The following DACH1 variants were observed in gnomAD, a reference collection of about 807,000 sequenced individuals.
The protein encoded by DACH1 is dachshund family transcription factor 1, also known as dachshund homolog 1.
DACH1 carries 12 observed loss-of-function variants against 54.2 expected under a neutral mutation model. The ratio of observed to expected loss-of-function variants is 0.22; its 90% CI spans 0.14 to 0.36. The LOEUF (loss-of-function observed/expected upper bound fraction) is 0.36. Ranked by LOEUF, DACH1 falls within the 10% of genes least tolerant of loss-of-function variation. The probability of loss-of-function intolerance (pLI) is 1.00; values close to 1 mark genes in which losing one functional copy is unlikely to be tolerated. For synonymous variants in DACH1, 386 were observed against 366.2 expected, an observed-to-expected ratio of 1.05 and a Z score of -0.62; for missense variants, 805 against 929.8, an observed-to-expected ratio of 0.87 and a Z score of 1.75.
intron 1 of DACH1, among the ~76,000 whole-genome samples, chr13:71,787,606 A>G (rs888613229): frequency 1.3e-5 from 2 of 152,128 alleles, no homozygotes; most frequent in African/African-American, 4.8e-5. Flanking sequence ...GAGGACAGTA[A>G]TCAGTCATAA....
chr13:71,720,843 G>A (rs1883200036), intron 1 of DACH1, among the ~76,000 whole-genome samples: 1 of 152,056 alleles, frequency 6.6e-6, no homozygotes, highest in African/African-American at 2.4e-5. Flanking sequence ...TTTTCTTGCA[G>A]TAGTTACTTT....
rs79295212 is a variant in DACH1, at chr13:71,800,129, T to C, written c.848+65793A>G. Among the ~76,000 whole-genome samples the C allele has an allele frequency of 6.6e-3, 1,009 of 152,142 alleles. 17 individuals carry two copies. Among genetic ancestry groups the C allele is most frequent in the African/African-American group, 0.023 (971 of 41,528 alleles). On this transcript the variant is annotated intron_variant, in intron 1 of 10. Transcript: ENST00000613252. ...TGCTTGAACTCTCCAGGCCTCAGTT[T>C]CCTCATTTATAAAAAGCGAAAGTTG...
rs369421581 is a variant in DACH1 at position 71,681,864 on chromosome 13, G to C, written c.895C>G (p.Pro299Ala). ...PPKRTQSVTS[P>A]ENSHIMPHSV... The stretch of plus-strand genomic sequence containing the variant: ...TGCGGCATGATGTGAGAGTTCTCTG[G>C]GGAGGTGACACTTTGAGTCCTCTTA... The change falls in exon 2 of 11, where the codon CCA becomes GCA. Residue 299 changes from proline to alanine, a missense_variant. Physicochemically the swap from Pro to Ala is conservative, Grantham distance 27. Coordinates refer to ENST00000613252, the MANE Select transcript of DACH1 (RefSeq NM_080759.6). 1 of 1,613,786 alleles carries C rather than the reference G, an allele frequency of 6.2e-7. No individual in the cohort carries two copies. The highest frequency in any genetic ancestry group is 8.5e-7 in the Non-Finnish European group (1 of 1,179,894).
chr13:71,589,933 G>C (rs1198208512), intron 3 of DACH1, among the ~76,000 whole-genome samples: 1 of 151,938 alleles, frequency 6.6e-6, no homozygotes, highest in Non-Finnish European at 1.5e-5. Flanking sequence ...CCATGCCAGA[G>C]AGCAATTCTG....
chr13:71,865,885 G>A, intron 1 of DACH1, 37 bp downstream of exon 1: 2 of 1,544,680 alleles, frequency 1.3e-6, no homozygotes, highest in Non-Finnish European at 1.7e-6. Flanking sequence ...CTGGTGGGAA[G>A]GGGCGCGGGC....
intron 10 of DACH1, among the ~76,000 whole-genome samples, chr13:71,447,893 T>C (rs557571690): frequency 6.6e-6 from 1 of 152,204 alleles, no homozygotes; most frequent in African/African-American, 2.4e-5. Flanking sequence ...AATTTCAAAT[T>C]GACACCAAAA....
chr13:71,536,249 C>T (rs1356940154), intron 6 of DACH1, among the ~76,000 whole-genome samples: 8 of 152,194 alleles, frequency 5.3e-5, no homozygotes, highest in East Asian at 3.9e-4. Context: ...CTAAAATTTA[C>T]ACTCAAAATA....
chr13:71,441,276 T>C (rs1873984420), intron 10 of DACH1, among the ~76,000 whole-genome samples: 1 of 152,100 alleles, frequency 6.6e-6, no homozygotes, highest in African/African-American at 2.4e-5. Flanking sequence ...CACTGTATAT[T>C]ATTCAACTTT....
chr13:71,680,436 T>C (rs1323150146), intron 2 of DACH1, among the ~76,000 whole-genome samples: 1 of 151,848 alleles, frequency 6.6e-6, no homozygotes, highest in African/African-American at 2.4e-5. Context: ...ACCCCATCTC[T>C]AGAAAAAAAA....
intron 1 of DACH1, among the ~76,000 whole-genome samples, chr13:71,842,970 A>G: frequency 6.6e-6 from 1 of 152,326 alleles, no homozygotes; most frequent in Non-Finnish European, 1.5e-5. Context: ...ACATTTTATA[A>G]TTTATGGAAC....
chr13:71,466,000 T>A (rs1220277154), intron 10 of DACH1, among the ~76,000 whole-genome samples: 1 of 152,218 alleles, frequency 6.6e-6, no homozygotes, highest in Non-Finnish European at 1.5e-5. Flanking sequence ...AAACAGATGT[T>A]AAAATTAAAT....
chr13:71,517,349 C>A (rs764093050), intron 6 of DACH1, among the ~76,000 whole-genome samples: 15 of 151,820 alleles, frequency 9.9e-5, no homozygotes, highest in Non-Finnish European at 1.9e-4. Flanking sequence ...AACTCAACTG[C>A]CACTTTTTGG....
chr13:71,579,731 C>T (rs1303219235), intron 3 of DACH1, among the ~76,000 whole-genome samples: 5 of 151,928 alleles, frequency 3.3e-5, no homozygotes, highest in Admixed American at 2.0e-4. Flanking sequence ...TTTGATGCAA[C>T]TCAAACTAAA....
At chr13:71,539,112 C>G (rs866172363) in intron 6 of DACH1, among the ~76,000 whole-genome samples, 2 of 151,988 alleles carry the variant, frequency 1.3e-5, no homozygotes, top group Non-Finnish European at 2.9e-5. Flanking sequence ...CATATACACA[C>G]AGCTCTATTT....
At chr13:71,783,791 G>T (rs758605725) in intron 1 of DACH1, among the ~76,000 whole-genome samples, 1 of 150,836 alleles carries the variant, frequency 6.6e-6, no homozygotes, top group Non-Finnish European at 1.5e-5. Flanking sequence ...TTTAAAGAAT[G>T]AATGGAAAAA....
intron 10 of DACH1, chr13:71,464,599 T>C: frequency 2.3e-6 from 1 of 443,056 alleles, no homozygotes. Flanking sequence ...ACATGCAAAT[T>C]ATGCAAATTA....
intron 10 of DACH1, among the ~76,000 whole-genome samples, chr13:71,464,940 C>T (rs1281908932): frequency 1.3e-5 from 2 of 151,970 alleles, no homozygotes; most frequent in Non-Finnish European, 2.9e-5. Flanking sequence ...AATTAATTTG[C>T]TTTGGCTGTG....
intron 4 of DACH1, 48 bp downstream of exon 4, chr13:71,572,792 G>C (rs1012238328): frequency 6.4e-7 from 1 of 1,557,212 alleles, no homozygotes. Context: ...TTAAGGGATG[G>C]TGGCTTAAGA....
chr13:71,764,483 A>AT (rs1398292176), intron 1 of DACH1, among the ~76,000 whole-genome samples: 2 of 152,198 alleles, frequency 1.3e-5, no homozygotes, highest in South Asian at 4.1e-4. Context: ...AATGTTATAA[A>AT]TGAGATAAAG....
Sources: gnomAD v4.1 joint callset for allele counts (sites outside exome capture counted in the v4.1 genomes callset) on GRCh38, gnomAD v4.1.1 for gene constraint, MANE v1.5 for transcripts, NCBI Gene and HGNC (gene_info 2026-07-23, HGNC 2026-07-21) for gene names.